The following MLLT1 variants were observed in gnomAD, a reference collection of about 807,000 sequenced individuals.
MLLT1 encodes protein ENL.
A neutral mutation model predicts 55.1 loss-of-function variants in MLLT1; 11 were observed. That is an observed-to-expected ratio of 0.20 (90% CI 0.13 to 0.33). The LOEUF is 0.33. MLLT1 is among the 10% of genes least tolerant of loss of function. MLLT1 has a pLI of 1.00. For missense variants in MLLT1, 536 were observed against 760.6 expected, an observed-to-expected ratio of 0.70 and a Z score of 3.47; for synonymous variants, 323 against 320.1, an observed-to-expected ratio of 1.01 and a Z score of -0.10.
At chr19:6,225,602 G>A (rs956605569) in intron 5 of MLLT1, among the ~76,000 whole-genome samples, 2 of 152,156 alleles carry the variant, frequency 1.3e-5, no homozygotes, top group Non-Finnish European at 2.9e-5. Context: ...CACAGATGCC[G>A]CCTACATCTC....
chr19:6,211,457 T>C lies in MLLT1; in HGVS notation c.*1585A>G. Reference sequence around the variant, plus strand: ...GGAGGCATGGGTCCCCACCAAGGAGTGTTCAGGATCTGCTGACAGAATCAG... The same window carrying C: ...GGAGGCATGGGTCCCCACCAAGGAGCGTTCAGGATCTGCTGACAGAATCAG... On this transcript the variant is annotated 3_prime_UTR_variant, in exon 12 of 12. Transcript: ENST00000252674. This position sits in a 1 kb window ranked among gnomAD's most constrained non-coding sequence, Gnocchi z 4.6. The C allele has an allele frequency of 5.9e-6, 2 of 341,732 alleles. No individual in the cohort carries two copies. Among genetic ancestry groups the C allele is most frequent in the Non-Finnish European group, 9.1e-6 (2 of 218,720 alleles). 21.2% of individuals were successfully genotyped at this position (341,732 alleles called of 1,614,324 possible). A position where few individuals can be genotyped will look rare whatever the true frequency, so the allele number is the denominator to read the frequency against.
Position 6,222,305 on chromosome 19 carries a change from C to T in MLLT1, c.926G>A (p.Arg309Gln), listed in dbSNP as rs773533106. 20 of 1,599,530 alleles carry T rather than the reference C, an allele frequency of 1.3e-5. No homozygotes were observed. The highest frequency in any genetic ancestry group is 1.5e-5 in the Non-Finnish European group (18 of 1,174,516). ...GCGGGGCGAGGTGCCTGGAGCACTC[C>T]GGGACCCCTTCGAGCTGCTCTTCTT... ...KQKKSSSKGS[R>Q]SAPGTSPRTS... Residue 309 changes from arginine to glutamine, a missense_variant, in exon 6 of 12, where the codon CGG (arginine) becomes CAG (glutamine). Arg to Gln is a conservative substitution (Grantham distance 43). Transcript: ENST00000252674. The surrounding 1 kb of genome is among the most constrained non-coding windows in gnomAD (Gnocchi z 4.1).
intron 2 of MLLT1, among the ~76,000 whole-genome samples, chr19:6,266,437 C>T (rs1489064090): frequency 6.6e-6 from 1 of 152,028 alleles, no homozygotes; most frequent in Non-Finnish European, 1.5e-5. Context: ...GGTTTACTGC[C>T]CACGTCTTAT....
At chr19:6,233,597 G>A (rs905409864) in intron 3 of MLLT1, among the ~76,000 whole-genome samples, 1 of 152,208 alleles carries the variant, frequency 6.6e-6, no homozygotes, top group Admixed American at 6.5e-5. Context: ...AAAACTGCAG[G>A]GACAAAGTTT....
At position 6,229,737 on chromosome 19, in the gene MLLT1, C is replaced by T. The variant is rs1474020885; in HGVS notation, c.420+833G>A. ...ACACCCCTACATGCCACACATGCCA[C>T]ACACTGTACATGCCACACCCCACAC... On this transcript the variant is annotated intron_variant, in intron 4 of 11. Coordinates refer to ENST00000252674, the MANE Select transcript of MLLT1 (RefSeq NM_005934.4). The surrounding 1 kb of genome is among the most constrained non-coding windows in gnomAD (Gnocchi z 5.2). Among the ~76,000 whole-genome samples, 2 of 151,738 alleles carry T rather than the reference C, an allele frequency of 1.3e-5. No individual in the cohort carries two copies. Among genetic ancestry groups the T allele is most frequent in the Non-Finnish European group, 2.9e-5 (2 of 67,888 alleles).
At chr19:6,253,466 C>T (rs1279971935) in intron 3 of MLLT1, among the ~76,000 whole-genome samples, 1 of 151,974 alleles carries the variant, frequency 6.6e-6, no homozygotes, top group African/African-American at 2.4e-5. Flanking sequence ...GGAATACCTC[C>T]TAACTCACTT....
chr19:6,266,420 C>G (rs1568296832), intron 2 of MLLT1, among the ~76,000 whole-genome samples: 1 of 152,072 alleles, frequency 6.6e-6, no homozygotes, highest in East Asian at 1.9e-4. Context: ...CATGCTAGGA[C>G]TCAAAGGGTT....
chr19:6,234,124 A>G (rs981881929), intron 3 of MLLT1, among the ~76,000 whole-genome samples: 2 of 152,194 alleles, frequency 1.3e-5, no homozygotes, highest in Non-Finnish European at 2.9e-5. Flanking sequence ...TTGGCTCAAG[A>G]AGGGTAAGAG....
intron 3 of MLLT1, among the ~76,000 whole-genome samples, chr19:6,251,089 C>T (rs77888689): frequency 6.6e-6 from 1 of 151,978 alleles, no homozygotes; most frequent in Non-Finnish European, 1.5e-5. Flanking sequence ...GGAACAGTGG[C>T]GATGGGGGGA....
chr19:6,278,489 A>G (rs1278573822), intron 1 of MLLT1, among the ~76,000 whole-genome samples: 5 of 133,788 alleles, frequency 3.7e-5, no homozygotes, highest in Non-Finnish European at 6.2e-5. Flanking sequence ...TCCTGGGGGA[A>G]AAAAACAGAA....
At chr19:6,249,265 T>C (rs941677010) in intron 3 of MLLT1, among the ~76,000 whole-genome samples, 5 of 152,298 alleles carry the variant, frequency 3.3e-5, no homozygotes, top group South Asian at 2.1e-4. Context: ...CCTGTTTCTT[T>C]TGAACTTTTT....
chr19:6,276,335 C>T (rs1405225815), intron 1 of MLLT1, among the ~76,000 whole-genome samples: 3 of 152,100 alleles, frequency 2.0e-5, no homozygotes, highest in Non-Finnish European at 4.4e-5. Context: ...GTCTACCCAC[C>T]CTTGCCTGCT....
At chr19:6,242,137 T>C (rs2091119961) in intron 3 of MLLT1, among the ~76,000 whole-genome samples, 1 of 152,088 alleles carries the variant, frequency 6.6e-6, no homozygotes, top group Non-Finnish European at 1.5e-5. Flanking sequence ...CAAGACCTGC[T>C]CTCCCCAGTC....
intron 4 of MLLT1, among the ~76,000 whole-genome samples, chr19:6,228,265 T>G (rs751299808): frequency 6.6e-6 from 1 of 152,202 alleles, no homozygotes; most frequent in African/African-American, 2.4e-5. Flanking sequence ...GCCAGGAGGC[T>G]GAGCCCCATT....
At chr19:6,271,559 G>A (rs1274157543) in intron 1 of MLLT1, among the ~76,000 whole-genome samples, 1 of 152,196 alleles carries the variant, frequency 6.6e-6, no homozygotes, top group Admixed American at 6.5e-5. Flanking sequence ...CCAGTTCCAT[G>A]CCACTGAACA....
At chr19:6,214,337 T>C (rs2090817336) in intron 8 of MLLT1, among the ~76,000 whole-genome samples, 1 of 152,234 alleles carries the variant, frequency 6.6e-6, no homozygotes, top group African/African-American at 2.4e-5. Context: ...TGCTGGGCTG[T>C]GGTCCTCTGA....
intron 1 of MLLT1, among the ~76,000 whole-genome samples, chr19:6,278,400 T>C (rs2091438484): frequency 6.7e-6 from 1 of 150,126 alleles, no homozygotes; most frequent in South Asian, 2.1e-4. Flanking sequence ...CACAGACCAA[T>C]GGGGAGGGGC....
chr19:6,227,309 G>C lies in MLLT1; in HGVS notation c.421-207C>G, dbSNP rs1017894378. Among the ~76,000 whole-genome samples, 14 of 152,168 alleles carry C rather than the reference G, an allele frequency of 9.2e-5. No individual in the cohort carries two copies. The highest frequency in any genetic ancestry group is 3.4e-4 in the African/African-American group (14 of 41,438). ...AGGCATGGGTGGGGAGCGAAGAAAA[G>C]CCCAGGGTCCCAGGATGGCTGGGAC... On this transcript the variant is annotated intron_variant, in intron 4 of 11. Transcript: ENST00000252674. This position sits in a 1 kb window ranked among gnomAD's most constrained non-coding sequence, Gnocchi z 5.1.
chr19:6,278,252 T>C (rs2091437494), intron 1 of MLLT1, among the ~76,000 whole-genome samples: 1 of 151,996 alleles, frequency 6.6e-6, no homozygotes, highest in South Asian at 2.1e-4. Context: ...GAGGAAGAAA[T>C]GATCCCATGT....
Sources: allele counts gnomAD v4.1 joint callset (sites outside exome capture counted in the v4.1 genomes callset), GRCh38; gene constraint gnomAD v4.1.1; non-coding constraint Gnocchi (gnomAD v3.1); transcripts MANE v1.5; gene names NCBI Gene and HGNC (gene_info 2026-07-23, HGNC 2026-07-21).